Variants in VAV1 observed in about 807,000 individuals in gnomAD.
VAV1 encodes the protein proto-oncogene vav.
A neutral mutation model predicts 128.1 loss-of-function variants in VAV1; 33 were observed. The observed-to-expected ratio is 0.26, with a 90% CI of 0.20 to 0.34. The LOEUF is 0.34. Among genes scored for constraint, VAV1 ranks in the 10% least tolerant of loss-of-function variants. The probability of loss-of-function intolerance (pLI) is 1.00; values close to 1 mark genes in which losing one functional copy is unlikely to be tolerated. For missense variants in VAV1, 715 were observed against 1,093.7 expected (o/e 0.65, Z 4.88); for synonymous variants, 394 against 409.8 (o/e 0.96, Z 0.47).
Position 6,826,581 on chromosome 19 carries a change from C to T in VAV1, c.828-31C>T, listed in dbSNP as rs200899240. ...TCTGCCCGACCTTGATGCCAGTCAC[C>T]TTTACCTGGTGGCCTGTCTTCTCCC... On this transcript the variant is annotated intron_variant, in intron 8 of 26. Transcript: ENST00000602142. The surrounding 1 kb of genome is among the most constrained non-coding windows in gnomAD (Gnocchi z 4.1). 6.5e-7 allele frequency: 1 copy of T among 1,529,290 alleles called. No individual in the cohort carries two copies. The allele number at this position is 1,529,290 out of a possible 1,614,324, so 94.7% of individuals were successfully genotyped here.
In VAV1 at chr19:6,839,559, C is replaced by T. The variant is rs188907512; in HGVS notation, c.1980+2509C>T. Among the ~76,000 whole-genome samples the T allele has an allele frequency of 1.4e-4, 21 of 151,828 alleles. No individual in the cohort carries two copies. In the East Asian group the frequency reaches 3.7e-3, roughly 27 times the overall value. On this transcript the variant is annotated intron_variant, in intron 21 of 26. Transcript: ENST00000602142. ...CTGGGATTACAGGCGTGAGCCACCACGCCCGGCTGGGTATGGCATTTTCTT... is the reference window on the plus strand; with the variant it reads ...CTGGGATTACAGGCGTGAGCCACCATGCCCGGCTGGGTATGGCATTTTCTT...
At chr19:6,841,897 A>G (rs1599675502) in intron 21 of VAV1, among the ~76,000 whole-genome samples, 1 of 152,158 alleles carries the variant, frequency 6.6e-6, no homozygotes, top group South Asian at 2.1e-4. Context: ...TTTTTGCCTT[A>G]TAGTAGCTGT....
chr19:6,791,437 A>C (rs1290597370), intron 1 of VAV1, among the ~76,000 whole-genome samples: 1 of 151,896 alleles, frequency 6.6e-6, no homozygotes, highest in Admixed American at 6.6e-5. Flanking sequence ...TCTCATCTCA[A>C]GGTCCTTGAG....
At chr19:6,830,163 A>T (rs1324793150) in intron 14 of VAV1, among the ~76,000 whole-genome samples, 3 of 152,146 alleles carry the variant, frequency 2.0e-5, no homozygotes, top group Non-Finnish European at 4.4e-5. Context: ...GGTTCAAGCG[A>T]TTCTCCTGGC....
At chr19:6,813,617 T>A (rs572528339) in intron 1 of VAV1, among the ~76,000 whole-genome samples, 5 of 152,138 alleles carry the variant, frequency 3.3e-5, no homozygotes, top group Admixed American at 3.3e-4. Flanking sequence ...TCTGTAGGAG[T>A]ATATTGGCTA....
intron 6 of VAV1, among the ~76,000 whole-genome samples, chr19:6,823,448 T>A (rs114243049): frequency 0.014 from 2,172 of 151,128 alleles, 48 homozygotes; most frequent in African/African-American, 0.051. Context: ...TTTAAAGATA[T>A]ATATCATTAT....
chr19:6,828,366 C>G lies in VAV1; in HGVS notation c.1024-53C>G. On this transcript the variant is annotated intron_variant, in intron 10 of 26. Transcript: ENST00000602142. This position sits in a 1 kb window ranked among gnomAD's most constrained non-coding sequence, Gnocchi z 4.5. ...CTAGCATTGTTTGGAAGGCCCTCCC[C>G]GCAGGGAGAAGGGGAGGGGCCCAGG... 1 of 1,608,946 alleles carries G rather than the reference C, an allele frequency of 6.2e-7. No individual in the cohort carries two copies. The highest frequency in any genetic ancestry group is 8.5e-7 in the Non-Finnish European group (1 of 1,176,218).
intron 1 of VAV1, among the ~76,000 whole-genome samples, chr19:6,783,206 A>G (rs1970804518): frequency 6.6e-6 from 1 of 152,124 alleles, no homozygotes; most frequent in South Asian, 2.1e-4. Context: ...AAACAAACAA[A>G]ACCAAACCCT....
chr19:6,847,369 GCGTGT>G (rs1356801622), intron 22 of VAV1, among the ~76,000 whole-genome samples: 3 of 152,040 alleles, frequency 2.0e-5, no homozygotes, highest in South Asian at 4.2e-4. Flanking sequence ...CTGTGGATTG[GCGTGT>G]TCTGGGCATT....
chr19:6,776,519 CTCAT>C (rs1366764680), intron 1 of VAV1, among the ~76,000 whole-genome samples: 2 of 47,188 alleles, frequency 4.2e-5, no homozygotes, highest in Non-Finnish European at 8.1e-5. Context: ...CATCCATCCT[CTCAT>C]CCATCCATCC....
At position 6,828,056 on chromosome 19, in the gene VAV1, A is replaced by T. The variant is rs1261888608; in HGVS notation, c.928-20A>T. Reference sequence around the variant, plus strand: ...TTCTGGGACCTGCCTCAGTTTCCCCATTGTTCTCTGATTCCCCAGGAATGT... The same window carrying T: ...TTCTGGGACCTGCCTCAGTTTCCCCTTTGTTCTCTGATTCCCCAGGAATGT... On this transcript the variant is annotated intron_variant, in intron 9 of 26. Transcript: ENST00000602142. This position sits in a 1 kb window ranked among gnomAD's most constrained non-coding sequence, Gnocchi z 4.5. 6.2e-7 allele frequency: 1 copy of T among 1,612,688 alleles called. No individual in the cohort carries two copies. Among genetic ancestry groups the T allele is most frequent in the Non-Finnish European group, 8.5e-7 (1 of 1,178,912 alleles).
At chr19:6,854,137 G>A in intron 26 of VAV1, 39 bp downstream of exon 26, 2 of 1,604,990 alleles carry the variant, frequency 1.2e-6, no homozygotes, top group Admixed American at 1.7e-5. Context: ...AGGGCATGGG[G>A]GTTGAGCTGG....
At chr19:6,794,566 G>A (rs1189069002) in intron 1 of VAV1, among the ~76,000 whole-genome samples, 5 of 152,132 alleles carry the variant, frequency 3.3e-5, no homozygotes, top group African/African-American at 4.8e-5. Context: ...GACCAATGCC[G>A]TTGAGAGGAG....
chr19:6,832,049 T>G, intron 14 of VAV1, 42 bp from the exon 15 acceptor site: 1 of 1,595,336 alleles, frequency 6.3e-7, no homozygotes, highest in South Asian at 1.1e-5. Context: ...TCCCACCCTC[T>G]GCGGGGGCAG....
intron 1 of VAV1, among the ~76,000 whole-genome samples, chr19:6,817,083 T>A (rs1025007561): frequency 1.3e-5 from 2 of 151,888 alleles, no homozygotes; most frequent in East Asian, 3.9e-4. Flanking sequence ...AATCTCACTC[T>A]TGTTGCCCAG....
At chr19:6,797,332 TTCACAC>T (rs896273315) in intron 1 of VAV1, among the ~76,000 whole-genome samples, 1 of 152,106 alleles carries the variant, frequency 6.6e-6, no homozygotes, top group Non-Finnish European at 1.5e-5. Context: ...TTTTACCCCC[TTCACAC>T]TCTAAAGTAA....
chr19:6,830,023 G>A, intron 14 of VAV1, 105 bp downstream of exon 14: 1 of 1,551,012 alleles, frequency 6.4e-7, no homozygotes. Flanking sequence ...ACATGGAAGT[G>A]TGTGTTAATC....
At chr19:6,834,255 A>G (rs1032950964) in intron 19 of VAV1, among the ~76,000 whole-genome samples, 2 of 151,602 alleles carry the variant, frequency 1.3e-5, no homozygotes, top group African/African-American at 2.4e-5. Context: ...TAATTTATTT[A>G]TTTCTGGAGA....
At chr19:6,774,364 A>G (rs942442528) in intron 1 of VAV1, among the ~76,000 whole-genome samples, 6 of 147,012 alleles carry the variant, frequency 4.1e-5, no homozygotes, top group Non-Finnish European at 7.4e-5. Context: ...TCCCGACCTC[A>G]TGATCCGCCC....
Sources: allele counts gnomAD v4.1 joint callset (sites outside exome capture counted in the v4.1 genomes callset), GRCh38; gene constraint gnomAD v4.1.1; non-coding constraint Gnocchi (gnomAD v3.1); transcripts MANE v1.5; gene names NCBI Gene and HGNC (gene_info 2026-07-23, HGNC 2026-07-21).